The following CDC20 variants were observed in gnomAD, a reference collection of about 807,000 sequenced individuals.
CDC20 encodes cell division cycle 20.
CDC20 carries 34 observed loss-of-function variants against 60.0 expected under a neutral mutation model. That is an observed-to-expected ratio of 0.57 (90% confidence interval 0.43 to 0.75). The LOEUF (loss-of-function observed/expected upper bound fraction) is 0.75. Ranked by LOEUF, CDC20 falls within the 30% of genes least tolerant of loss-of-function variation. The probability of loss-of-function intolerance (pLI) is 0.00; values close to 1 mark genes in which losing one functional copy is unlikely to be tolerated. For missense variants in CDC20, 469 were observed against 647.3 expected (o/e 0.72, Z 2.99); for synonymous variants, 198 against 243.5 (o/e 0.81, Z 1.74).
At position 43,361,124 on chromosome 1, in the gene CDC20, T is replaced by C. The variant is rs1647170961; in HGVS notation, c.1082T>C (p.Val361Ala). ...CCCCACCTTTATTCCATCTAGGCCG[T>C]AGCATGGTGTCCCTGGCAGTCCAAT... ...FTQHQGAVKA[V>A]AWCPWQSNVL... Residue 361 changes from valine to alanine, a missense_variant, in exon 9 of 11, where the codon GTA (valine) becomes GCA (alanine). Physicochemically the swap from Val to Ala is moderately conservative, Grantham distance 64 (BLOSUM62 0). Coordinates refer to ENST00000310955, the MANE Select transcript of CDC20 (RefSeq NM_001255.3). 6.2e-7 allele frequency: 1 copy of C among 1,613,894 alleles called. No individual in the cohort carries two copies. The highest frequency in any genetic ancestry group is 1.3e-5 in the African/African-American group (1 of 74,856).
Position 43,360,868 on chromosome 1 carries a change from T to C in CDC20, c.984T>C (p.Gly328=). ...APDGRHLASG[G]NDNLVNVWPS... The stretch of plus-strand genomic sequence containing the variant: ...ATGGACGACATTTGGCCAGTGGTGG[T>C]AATGATAACTTGGTCAATGTGTGGC... The change falls in exon 8 of 11, where the codon GGT becomes GGC. Residue 328 remains glycine, a synonymous_variant. Transcript: ENST00000310955. 1 of 1,614,168 alleles carries C rather than the reference T, an allele frequency of 6.2e-7. No individual in the cohort carries two copies. The highest frequency in any genetic ancestry group is 1.7e-5 in the Admixed American group (1 of 60,030).
chr1:43,359,695 A>G (rs774575367), intron 3 of CDC20, 30 bp from the exon 4 acceptor site: 17 of 1,613,618 alleles, frequency 1.1e-5, no homozygotes, highest in East Asian at 2.2e-5. Context: ...GGATAATACC[A>G]TCTTGCTCCT....
In CDC20 at chr1:43,359,806, C is replaced by T. The variant is rs141215457; in HGVS notation, c.412C>T (p.Gln138Ter). The T allele has an allele frequency of 6.2e-7, 1 of 1,613,890 alleles. No individual in the cohort carries two copies. The highest frequency in any genetic ancestry group is 8.5e-7 in the Non-Finnish European group (1 of 1,180,000). The change falls in exon 4 of 11, where the codon CAA becomes TAA. Residue 138 changes from glutamine to a stop codon, truncating the protein, a stop_gained. Transcript: ENST00000310955. LOFTEE classifies it high-confidence loss of function. ...AKILRLSGKP[Q>*]NAPEGYQNRL... ...GATCCTTCGGCTCAGTGGAAAACCA[C>T]AAAATGCGCCAGAGGGTAAGACCCG... is the stretch of plus-strand genomic sequence containing the variant.
rs545900189 is a variant in CDC20 at position 43,362,130 on chromosome 1, T to C, written c.1204-65T>C. On this transcript the variant is annotated intron_variant, in intron 9 of 10. Transcript: ENST00000310955. ...TGTGGCAGGGTGCCTAACACTAGAA[T>C]GGGCTCAGTTCTGATTTAAGTAGCC... 61 of 907,536 alleles carry C rather than the reference T, an allele frequency of 6.7e-5. No homozygotes were observed. In the African/African-American group the frequency reaches 8.5e-4, roughly 13 times the overall value. 56.2% of individuals were successfully genotyped at this position (907,536 alleles called of 1,614,324 possible).
intron 8 of CDC20, 38 bp downstream of exon 8, chr1:43,360,999 C>A: frequency 6.3e-7 from 1 of 1,593,354 alleles, no homozygotes; most frequent in Non-Finnish European, 8.6e-7. Context: ...CAGACCCTCA[C>A]CTATAATCTG....
Position 43,362,956 on chromosome 1 carries a change from A to G in CDC20, c.1327A>G (p.Thr443Ala). 1 of 1,590,374 alleles carries G rather than the reference A, an allele frequency of 6.3e-7. No homozygotes were observed. Among genetic ancestry groups the G allele is most frequent in the Non-Finnish European group, 8.5e-7 (1 of 1,172,518 alleles). The change falls in exon 11 of 11, where the codon ACA becomes GCA. Residue 443 changes from threonine (T) to alanine (A), a missense_variant. Physicochemically the swap from Thr to Ala is moderately conservative, Grantham distance 58. Around this residue, in one of 5 missense-constraint regions of CDC20, gnomAD observed 20 missense variants for 55.8 expected, o/e 0.36. Transcript: ENST00000310955. ...ACTGTTCTCATTTGCTCCAGGTCAC[A>G]CATCCCGGGTCCTGAGTCTGACCAT... ...MAKVAELKGH[T>A]SRVLSLTMSP...
At chr1:43,360,447 G>A in intron 6 of CDC20, 52 bp from the exon 7 acceptor site, 2 of 1,608,336 alleles carry the variant, frequency 1.2e-6, no homozygotes, top group South Asian at 1.1e-5. Flanking sequence ...CACAGCTGGA[G>A]GATATTAATG....
chr1:43,361,263 C>A lies in CDC20; in HGVS notation c.1203+18C>A. ...ATTCCCAGGTAATCTTTTGCCTGTT[C>A]CTGCCTCTCCCACATGCATTCTTAC... On this transcript the variant is annotated intron_variant, in intron 9 of 10. Transcript: ENST00000310955. The A allele has an allele frequency of 6.4e-7, 1 of 1,566,422 alleles. No homozygotes were observed. Among genetic ancestry groups the A allele is most frequent in the Non-Finnish European group, 8.7e-7 (1 of 1,155,372 alleles).
At position 43,359,654 on chromosome 1, in the gene CDC20, G is replaced by A. The variant is rs753684736; in HGVS notation, c.330+16G>A. 2 of 1,613,970 alleles carry A rather than the reference G, an allele frequency of 1.2e-6. No homozygotes were observed. Among genetic ancestry groups the A allele is most frequent in the Admixed American group, 1.7e-5 (1 of 60,008 alleles). ...CACCAAGAAGGTATGTGTCCCAGAG[G>A]GGCTTAAGGCACGGGACCTGACTGT... On this transcript the variant is annotated intron_variant, in intron 3 of 10. Transcript: ENST00000310955.
At position 43,363,051 on chromosome 1, in the gene CDC20, G is replaced by A; in HGVS notation, c.1422G>A (p.Glu474=). ...DETLRLWRCF[E]LDPARRRERE... ...CCCTGAGGCTATGGCGCTGTTTTGAGTTGGACCCTGCGCGGCGGCGGGAGC... is the reference window on the plus strand; with the variant it reads ...CCCTGAGGCTATGGCGCTGTTTTGAATTGGACCCTGCGCGGCGGCGGGAGC... The change falls in exon 11 of 11, where the codon GAG becomes GAA. Residue 474 remains glutamate, a synonymous_variant. Coordinates refer to ENST00000310955, the MANE Select transcript of CDC20 (RefSeq NM_001255.3). 6.2e-7 allele frequency: 1 copy of A among 1,613,722 alleles called. No individual in the cohort carries two copies. The highest frequency in any genetic ancestry group is 1.1e-5 in the South Asian group (1 of 90,960).
Position 43,360,720 on chromosome 1 carries a change from T to C in CDC20, c.849-13T>C. The C allele has an allele frequency of 6.2e-7, 1 of 1,609,186 alleles. No individual in the cohort carries two copies. The highest frequency in any genetic ancestry group is 1.1e-5 in the South Asian group (1 of 90,956). On this transcript the variant is annotated splice_polypyrimidine_tract_variant and intron_variant, in intron 7 of 10. Transcript: ENST00000310955. ...GCTGCCACAGAACCTGATTCCCTTC[T>C]TTCCTCCTCCAGTGGTTCACGTTCT...
At position 43,359,565 on chromosome 1, in the gene CDC20, C is replaced by T; in HGVS notation, c.257C>T (p.Ala86Val). 6.2e-7 allele frequency: 1 copy of T among 1,614,104 alleles called. No individual in the cohort carries two copies. Among genetic ancestry groups the T allele is most frequent in the Non-Finnish European group, 8.5e-7 (1 of 1,180,022 alleles). The change falls in exon 3 of 11, where the codon GCC (alanine) becomes GTC (valine). Residue 86 changes from alanine to valine, a missense_variant. Ala to Val is a moderately conservative substitution (Grantham distance 64). Transcript: ENST00000310955. ...GDRYIPHRSAAQMEVASFLLS... is the reference protein window; with the variant it reads ...GDRYIPHRSAVQMEVASFLLS... Reference sequence around the variant, plus strand: ...CGCTATATCCCCCATCGCAGTGCTGCCCAGATGGAGGTGGCCAGCTTCCTC... The same window carrying T: ...CGCTATATCCCCCATCGCAGTGCTGTCCAGATGGAGGTGGCCAGCTTCCTC...
rs779895390 is a variant in CDC20 at position 43,360,539 on chromosome 1, CCAGT to C, written c.797_800del (p.Ser266ThrfsTer8). 30 of 1,614,020 alleles carry C rather than the reference CCAGT, an allele frequency of 1.9e-5. No individual in the cohort carries two copies. The highest frequency in any genetic ancestry group is 2.4e-5 in the Non-Finnish European group (28 of 1,179,982). On this transcript the variant is annotated frameshift_variant, in exon 7 of 11. Coordinates refer to ENST00000310955, the MANE Select transcript of CDC20 (RefSeq NM_001255.3). LOFTEE classifies it high-confidence loss of function. ...CAGCAGAAACGGCTTCGAAATATGA[CCAGT>C]CACTCTGCCCGAGTGGGCTCCCTAA...
rs748095701 is a variant in CDC20, at chr1:43,359,358, G to A, written c.143G>A (p.Arg48Gln). The A allele has an allele frequency of 1.5e-5, 25 of 1,612,970 alleles. No individual in the cohort carries two copies. Among genetic ancestry groups the A allele is most frequent in the Admixed American group, 3.3e-5 (2 of 59,960 alleles). Residue 48 changes from arginine to glutamine, a missense_variant, in exon 2 of 11, where the codon CGA becomes CAA. Arg to Gln is a conservative substitution (Grantham distance 43). Around this residue, in one of 5 missense-constraint regions of CDC20, gnomAD observed 115 missense variants for 156.1 expected, o/e 0.74. Coordinates refer to ENST00000310955, the MANE Select transcript of CDC20 (RefSeq NM_001255.3). ...PAPSPMRAAN[R>Q]SHSAGRTPGR... is the part of the protein sequence containing the mutation. ...CCCTCACCCATGCGGGCCGCCAACC[G>A]ATCCCACAGCGCCGGCAGGACTCCG...
At chr1:43,361,321 A>C in intron 9 of CDC20, 76 bp downstream of exon 9, 1 of 1,386,982 alleles carries the variant, frequency 7.2e-7, no homozygotes, top group Non-Finnish European at 9.7e-7. Flanking sequence ...TGGCTTCACC[A>C]ACTCTATGCC....
Position 43,360,740 on chromosome 1 carries a change from C to T in CDC20, c.856C>T (p.Arg286Cys), listed in dbSNP as rs991296026. ...CCTTCTTTCCTCCTCCAGTGGTTCACGTTCTGGCCACATCCACCACCATGA... is the reference window on the plus strand; with the variant it reads ...CCTTCTTTCCTCCTCCAGTGGTTCATGTTCTGGCCACATCCACCACCATGA... ...WNSYILSSGS[R>C]SGHIHHHDVR... The change falls in exon 8 of 11, where the codon CGT (arginine) becomes TGT (cysteine). Residue 286 changes from arginine (R) to cysteine (C), a missense_variant. By Grantham distance (180) the Arg-to-Cys change is radical (BLOSUM62 -3). This residue lies in a region of CDC20 where 255 missense variants were observed against 326.7 expected (regional missense o/e 0.78). Transcript: ENST00000310955. 8 of 1,612,728 alleles carry T rather than the reference C, an allele frequency of 5.0e-6. No individual in the cohort carries two copies. The highest frequency in any genetic ancestry group is 5.9e-6 in the Non-Finnish European group (7 of 1,178,992).
At chr1:43,361,048 G>A (rs533181943) in intron 8 of CDC20, 72 bp from the exon 9 acceptor site, 1 of 1,604,962 alleles carries the variant, frequency 6.2e-7, no homozygotes, top group Non-Finnish European at 8.5e-7. Context: ...GGATTGGACT[G>A]GGTTAATCTG....
At chr1:43,362,144 AT>A in intron 9 of CDC20, 50 bp from the exon 10 acceptor site, 1 of 1,096,146 alleles carries the variant, frequency 9.1e-7, no homozygotes, top group Non-Finnish European at 1.4e-6. Context: ...CTCAGTTCTG[AT>A]TTAAGTAGCC....
chr1:43,359,321 G>T lies in CDC20; in HGVS notation c.106G>T (p.Ala36Ser), dbSNP rs766651928. ...CTGGCAGCGCAAAGCCAAGGAAGCC[G>T]CAGGCCCGGCCCCCTCACCCATGCG... ...ARWQRKAKEA[A>S]GPAPSPMRAA... Residue 36 changes from alanine (A) to serine (S), a missense_variant, in exon 2 of 11, where the codon GCA becomes TCA. Ala to Ser is a moderately conservative substitution (Grantham distance 99). Coordinates refer to ENST00000310955, the MANE Select transcript of CDC20 (RefSeq NM_001255.3). 2 of 1,612,788 alleles carry T rather than the reference G, an allele frequency of 1.2e-6. No individual in the cohort carries two copies. The highest frequency in any genetic ancestry group is 1.1e-5 in the South Asian group (1 of 91,044).
Sources: allele counts gnomAD v4.1 joint callset, GRCh38; gene constraint gnomAD v4.1.1; regional missense constraint gnomAD v4.1.1; transcripts MANE v1.5; gene names NCBI Gene and HGNC (gene_info 2026-07-23, HGNC 2026-07-21).